The following TMEM132C variants were observed in gnomAD, a reference collection of about 807,000 sequenced individuals.
The protein encoded by TMEM132C is protein phosphatase 1, regulatory subunit 152.
In TMEM132C, 29 loss-of-function variants were observed where a neutral mutation model predicts 61.4. The observed-to-expected ratio is 0.47, with a 90% CI of 0.35 to 0.64. The LOEUF is 0.64. Ranked by LOEUF, TMEM132C falls within the 30% of genes least tolerant of loss-of-function variation. The probability of loss-of-function intolerance (pLI) is 0.00; values close to 1 mark genes in which losing one functional copy is unlikely to be tolerated. For missense variants in TMEM132C, 1,408 were observed against 1,476.9 expected (o/e 0.95, Z 0.76); for synonymous variants, 656 against 633.1 (o/e 1.04, Z -0.54).
chr12:128,291,876 C>T (rs1051042927), intron 1 of TMEM132C, among the ~76,000 whole-genome samples: 1 of 152,186 alleles, frequency 6.6e-6, no homozygotes, highest in Non-Finnish European at 1.5e-5. Flanking sequence ...TGCTTTTCTT[C>T]CTGGACTGCC....
At chr12:128,354,883 A>G (rs1444901560) in intron 1 of TMEM132C, among the ~76,000 whole-genome samples, 3 of 152,172 alleles carry the variant, frequency 2.0e-5, no homozygotes, top group Admixed American at 2.0e-4. Flanking sequence ...ATCACCAGGT[A>G]GCCTGAAAAC....
Position 128,697,419 on chromosome 12 carries a change from G to A in TMEM132C, c.2121+4G>A. 6.5e-7 allele frequency: 1 copy of A among 1,528,676 alleles called. No homozygotes were observed. The highest frequency in any genetic ancestry group is 8.9e-7 in the Non-Finnish European group (1 of 1,129,542). 94.7% of individuals were successfully genotyped at this position (1,528,676 alleles called of 1,614,324 possible). A position where few individuals can be genotyped will look rare whatever the true frequency, so the allele number is the denominator to read the frequency against. On this transcript the variant is annotated splice_donor_region_variant and intron_variant, in intron 8 of 8. Transcript: ENST00000435159. ...GGTGCTGCGGACCCCCAAACAGGTA[G>A]GGGGCCAAATGCCAGAGGTTCAGAG...
chr12:128,493,285 A>G (rs1238287532), intron 2 of TMEM132C, among the ~76,000 whole-genome samples: 2 of 152,218 alleles, frequency 1.3e-5, no homozygotes, highest in African/African-American at 4.8e-5. Flanking sequence ...AGGTAGCATG[A>G]TGCCTCCAGC....
chr12:128,652,859 T>G (rs1424337355), intron 4 of TMEM132C, among the ~76,000 whole-genome samples: 2 of 152,218 alleles, frequency 1.3e-5, no homozygotes, highest in Non-Finnish European at 2.9e-5. Flanking sequence ...GAAAGATAAT[T>G]CGCCTTGGGG....
chr12:128,540,527 C>CGT (rs1873699635), intron 2 of TMEM132C, among the ~76,000 whole-genome samples: 1 of 152,236 alleles, frequency 6.6e-6, no homozygotes, highest in South Asian at 2.1e-4. Context: ...GCTGGGATTA[C>CGT]AGGCATGAGC....
intron 1 of TMEM132C, among the ~76,000 whole-genome samples, chr12:128,316,610 C>A (rs1325939985): frequency 1.3e-5 from 2 of 152,108 alleles, no homozygotes; most frequent in Non-Finnish European, 2.9e-5. Context: ...CATGCAAAGA[C>A]CACAATACAA....
intron 3 of TMEM132C, among the ~76,000 whole-genome samples, chr12:128,563,030 G>A: frequency 6.6e-6 from 1 of 152,202 alleles, no homozygotes; most frequent in African/African-American, 2.4e-5. Flanking sequence ...TCTTTTAAGT[G>A]CAGGACCCAG....
chr12:128,495,778 C>G (rs1287736283), intron 2 of TMEM132C, among the ~76,000 whole-genome samples: 3 of 151,960 alleles, frequency 2.0e-5, no homozygotes, highest in African/African-American at 4.8e-5. Flanking sequence ...GGTCTTGACT[C>G]TTTATCCAAT....
intron 1 of TMEM132C, among the ~76,000 whole-genome samples, chr12:128,325,345 A>G (rs972262679): frequency 3.9e-5 from 6 of 152,198 alleles, no homozygotes; most frequent in African/African-American, 1.4e-4. Flanking sequence ...ACAGAAAGGT[A>G]AACATGAACA....
At chr12:128,427,123 G>A (rs750097481) in intron 2 of TMEM132C, among the ~76,000 whole-genome samples, 18 of 152,100 alleles carry the variant, frequency 1.2e-4, no homozygotes, top group Non-Finnish European at 1.9e-4. Flanking sequence ...GTTTGTGGTC[G>A]TGTCGTTGCT....
intron 1 of TMEM132C, among the ~76,000 whole-genome samples, chr12:128,389,120 G>A (rs1183864089): frequency 2.0e-5 from 3 of 152,154 alleles, no homozygotes; most frequent in African/African-American, 7.2e-5. Context: ...AGCTCCAAGC[G>A]GTGCTAACTC....
intron 5 of TMEM132C, among the ~76,000 whole-genome samples, chr12:128,680,253 T>G (rs1243892962): frequency 6.6e-6 from 1 of 152,152 alleles, no homozygotes; most frequent in African/African-American, 2.4e-5. Context: ...TAAGTCTTAT[T>G]TTACAAATGA....
At chr12:128,514,254 G>T (rs1312544997) in intron 2 of TMEM132C, among the ~76,000 whole-genome samples, 1 of 152,180 alleles carries the variant, frequency 6.6e-6, no homozygotes, top group African/African-American at 2.4e-5. Context: ...CAGTAAGCTT[G>T]GAGGGAAACA....
At chr12:128,589,042 C>T (rs966700226) in intron 3 of TMEM132C, among the ~76,000 whole-genome samples, 6 of 152,084 alleles carry the variant, frequency 3.9e-5, no homozygotes, top group Non-Finnish European at 8.8e-5. Context: ...AGTCAGCGAG[C>T]CTGAAAGCAG....
intron 1 of TMEM132C, among the ~76,000 whole-genome samples, chr12:128,293,208 A>G (rs1040772905): frequency 8.6e-5 from 13 of 151,588 alleles, no homozygotes; most frequent in African/African-American, 3.2e-4. Context: ...CACAGTATAA[A>G]CTCTCCTTTC....
At chr12:128,496,192 T>C (rs1202240953) in intron 2 of TMEM132C, among the ~76,000 whole-genome samples, 3 of 152,232 alleles carry the variant, frequency 2.0e-5, no homozygotes, top group Non-Finnish European at 4.4e-5. Context: ...GAGTTTCTGC[T>C]GAGAGATCCA....
intron 3 of TMEM132C, among the ~76,000 whole-genome samples, chr12:128,578,137 G>A (rs1387955207): frequency 6.6e-6 from 1 of 152,182 alleles, no homozygotes; most frequent in Non-Finnish European, 1.5e-5. Flanking sequence ...TCTTGGCCTT[G>A]GGCCCGCTTC....
intron 1 of TMEM132C, among the ~76,000 whole-genome samples, chr12:128,387,893 T>C (rs1446273407): frequency 6.7e-6 from 1 of 148,404 alleles, no homozygotes; most frequent in Non-Finnish European, 1.5e-5. Flanking sequence ...CAGGCGGGAG[T>C]CGCCCTGCCT....
At chr12:128,449,136 CAAAAAAA>C (rs141298455) in intron 2 of TMEM132C, among the ~76,000 whole-genome samples, 110 of 50,724 alleles carry the variant, frequency 2.2e-3, no homozygotes, top group Non-Finnish European at 2.6e-3. Flanking sequence ...GACTCTGTCT[CAAAAAAA>C]AAAAAAAAAA....
Sources: gnomAD v4.1 joint callset for allele counts (sites outside exome capture counted in the v4.1 genomes callset) on GRCh38, gnomAD v4.1.1 for gene constraint, MANE v1.5 for transcripts, NCBI Gene and HGNC (gene_info 2026-07-23, HGNC 2026-07-21) for gene names.